The following BRD3 variants were observed in gnomAD, a reference collection of about 807,000 sequenced individuals.
BRD3 encodes bromodomain-containing protein 3.
Under a neutral mutation model 66.8 loss-of-function variants are expected in BRD3, and 17 were observed. The ratio of observed to expected loss-of-function variants is 0.25; its 90% CI spans 0.17 to 0.38. BRD3 has a LOEUF of 0.38. Ranked by LOEUF, BRD3 falls within the 10% of genes least tolerant of loss-of-function variation. The pLI is 1.00. For missense variants in BRD3, 713 were observed against 956.1 expected (o/e 0.75, Z 3.35); for synonymous variants, 421 against 393.2 (o/e 1.07, Z -0.84).
Position 134,034,780 on chromosome 9 carries a change from C to T in BRD3, c.1986G>A (p.Gln662=), listed in dbSNP as rs139511636. Residue 662 remains glutamine (Q), a synonymous_variant, in exon 11 of 12, where the codon CAG becomes CAA. Coordinates refer to ENST00000303407, the MANE Select transcript of BRD3 (RefSeq NM_007371.4). ...GCTTTTCCAGCTCCTTCTTCTTTTCCTGAGCTAGCTCCTCTTTCGACTTGG... is the reference window on the plus strand; with the variant it reads ...GCTTTTCCAGCTCCTTCTTCTTTTCTTGAGCTAGCTCCTCTTTCGACTTGG... ...QAAKSKEELA[Q]EKKKELEKRL... is the part of the protein sequence containing the mutation. 236 of 1,612,040 alleles carry T rather than the reference C, an allele frequency of 1.5e-4. No homozygotes were observed. Among genetic ancestry groups the T allele is most frequent in the Non-Finnish European group, 1.9e-4 (228 of 1,180,032 alleles).
chr9:134,041,499 T>G (rs937458582), intron 8 of BRD3, among the ~76,000 whole-genome samples: 8 of 152,252 alleles, frequency 5.3e-5, no homozygotes, highest in Admixed American at 3.9e-4. Context: ...ACATGACCCC[T>G]GAGCTCCCAC....
chr9:134,041,195 C>T (rs1830039391), intron 8 of BRD3, among the ~76,000 whole-genome samples: 1 of 152,242 alleles, frequency 6.6e-6, no homozygotes, highest in South Asian at 2.1e-4. Context: ...AATCATGCAT[C>T]TGGCTGGCTG....
chr9:134,043,026 A>G (rs1564550804), intron 7 of BRD3, among the ~76,000 whole-genome samples: 1 of 152,142 alleles, frequency 6.6e-6, no homozygotes, highest in African/African-American at 2.4e-5. Context: ...TTTTTAGTAG[A>G]GCCGAAGTTT....
chr9:134,048,043 A>T, intron 6 of BRD3, 40 bp downstream of exon 6: 3 of 1,509,114 alleles, frequency 2.0e-6, no homozygotes, highest in Non-Finnish European at 2.7e-6. Context: ...GCAGAGCCGC[A>T]GGACATGGGC....
intron 10 of BRD3, 144 bp from the exon 11 acceptor site, chr9:134,034,973 G>A: frequency 7.8e-7 from 1 of 1,283,640 alleles, no homozygotes; most frequent in Non-Finnish European, 1.1e-6. Context: ...GGAGCTGACA[G>A]ATGCAAAGCT....
At position 134,065,453 on chromosome 9, in the gene BRD3, G is replaced by C. The variant is rs184084157; in HGVS notation, c.-114+2492C>G. Among the ~76,000 whole-genome samples the C allele has an allele frequency of 2.9e-3, 428 of 146,394 alleles. 2 individuals carry two copies. The highest frequency in any genetic ancestry group is 0.01 in the African/African-American group (405 of 39,804). On this transcript the variant is annotated intron_variant, in intron 1 of 11. Coordinates refer to ENST00000303407, the MANE Select transcript of BRD3 (RefSeq NM_007371.4). The stretch of plus-strand genomic sequence containing the variant: ...GGAGAAGAGAAAAAAAAAAAAAAAG[G>C]AACCTGCCTAGGACAGGAACCCCGT...
intron 10 of BRD3, 129 bp downstream of exon 10, chr9:134,035,903 G>T: frequency 7.7e-7 from 1 of 1,297,598 alleles, no homozygotes; most frequent in Non-Finnish European, 1.0e-6. Flanking sequence ...GTGGTGGGAC[G>T]AAGGAGCCAA....
At chr9:134,066,867 G>T (rs940979969) in intron 1 of BRD3, among the ~76,000 whole-genome samples, 2 of 152,208 alleles carry the variant, frequency 1.3e-5, no homozygotes, top group Admixed American at 1.3e-4. Flanking sequence ...ACCACTCAAG[G>T]ATTGGGTCGA....
At chr9:134,049,012 A>AT (rs1256007517) in intron 5 of BRD3, among the ~76,000 whole-genome samples, 1 of 152,198 alleles carries the variant, frequency 6.6e-6, no homozygotes, top group East Asian at 1.9e-4. Flanking sequence ...AAGCAGCCAC[A>AT]GCAGCTCTGG....
At position 134,040,116 on chromosome 9, in the gene BRD3, CCTT is replaced by C. The variant is rs1279716365; in HGVS notation, c.1558_1560del (p.Lys520del). On this transcript the variant is annotated inframe_deletion, in exon 9 of 12. Coordinates refer to ENST00000303407, the MANE Select transcript of BRD3 (RefSeq NM_007371.4). The stretch of plus-strand genomic sequence containing the variant: ...TGCTTGGCAGGCGGAGCCACCTTGG[CCTT>C]CTTCTCTTCCTCGGCCTTCACTTTG... 2 of 1,576,300 alleles carry C rather than the reference CCTT, an allele frequency of 1.3e-6. No individual in the cohort carries two copies. The highest frequency in any genetic ancestry group is 2.3e-5 in the East Asian group (1 of 42,748).
intron 2 of BRD3, 37 bp downstream of exon 2, chr9:134,053,228 G>C (rs71505268): frequency 2.2e-5 from 36 of 1,606,922 alleles, no homozygotes; most frequent in Non-Finnish European, 3.1e-5. Context: ...GACGGCAGCA[G>C]CAGAACGTGG....
intron 8 of BRD3, among the ~76,000 whole-genome samples, 194 bp from the exon 9 acceptor site, chr9:134,040,463 G>A (rs149654776): frequency 2.6e-5 from 4 of 152,288 alleles, no homozygotes; most frequent in African/African-American, 4.8e-5. Context: ...AGCCCTCTCC[G>A]CCTCGGCTTC....
At chr9:134,054,681 G>T (rs1355027507) in intron 1 of BRD3, among the ~76,000 whole-genome samples, 1 of 152,218 alleles carries the variant, frequency 6.6e-6, no homozygotes, top group Non-Finnish European at 1.5e-5. Flanking sequence ...CCCAGAACCG[G>T]CCACTTGTAG....
At chr9:134,063,180 C>T (rs980809722) in intron 1 of BRD3, among the ~76,000 whole-genome samples, 4 of 152,250 alleles carry the variant, frequency 2.6e-5, no homozygotes, top group African/African-American at 9.6e-5. Context: ...CACCCCCAAC[C>T]ACAAATGCCG....
At chr9:134,037,453 G>A (rs920713413) in intron 9 of BRD3, among the ~76,000 whole-genome samples, 2 of 151,856 alleles carry the variant, frequency 1.3e-5, no homozygotes, top group African/African-American at 4.8e-5. Flanking sequence ...CACCTGTAAT[G>A]CCAGCTACTA....
intron 4 of BRD3, among the ~76,000 whole-genome samples, chr9:134,051,213 G>C (rs1331436800): frequency 6.6e-6 from 1 of 152,254 alleles, no homozygotes; most frequent in Non-Finnish European, 1.5e-5. Context: ...AGCCCCAGGA[G>C]GGGAACAGGC....
At chr9:134,063,923 G>C (rs1039591639) in intron 1 of BRD3, among the ~76,000 whole-genome samples, 1 of 152,162 alleles carries the variant, frequency 6.6e-6, no homozygotes, top group Non-Finnish European at 1.5e-5. Context: ...CACAATACCG[G>C]ATTAACTTCT....
At chr9:134,058,631 C>CG (rs1232299677) in intron 1 of BRD3, 5 of 152,214 alleles carry the variant, frequency 3.3e-5, no homozygotes, top group Non-Finnish European at 5.9e-5. Context: ...AGCCTTTTCC[C>CG]GGGGGGTAGA....
intron 1 of BRD3, among the ~76,000 whole-genome samples, chr9:134,064,747 T>C (rs1048536316): frequency 6.6e-6 from 1 of 152,118 alleles, no homozygotes; most frequent in Non-Finnish European, 1.5e-5. Context: ...GCCTCTCAGA[T>C]GGCAGGAGCC....
Sources: gnomAD v4.1 joint callset for allele counts (sites outside exome capture counted in the v4.1 genomes callset) on GRCh38, gnomAD v4.1.1 for gene constraint, MANE v1.5 for transcripts, NCBI Gene and HGNC (gene_info 2026-07-23, HGNC 2026-07-21) for gene names.